The following TMEM163 variants were observed in gnomAD, a reference collection of about 807,000 sequenced individuals.
TMEM163 encodes transmembrane protein 163.
In TMEM163, 17 loss-of-function variants were observed where a neutral mutation model predicts 29.3. The observed-to-expected ratio is 0.58, with a 90% CI of 0.40 to 0.87. TMEM163 has a LOEUF of 0.87. Ranked by LOEUF, TMEM163 falls within the 40% of genes least tolerant of loss-of-function variation. The pLI is 0.00. For missense variants in TMEM163, 303 were observed against 381.5 expected, an observed-to-expected ratio of 0.79 and a Z score of 1.71; for synonymous variants, 157 against 160.6, an observed-to-expected ratio of 0.98 and a Z score of 0.17.
chr2:134,491,278 C>G (rs1679423583), intron 5 of TMEM163, among the ~76,000 whole-genome samples: 1 of 152,182 alleles, frequency 6.6e-6, no homozygotes, highest in Non-Finnish European at 1.5e-5. Flanking sequence ...GAGCGTGTCT[C>G]CCTCACCTCG....
At chr2:134,464,585 G>A (rs1479640173) in intron 6 of TMEM163, among the ~76,000 whole-genome samples, 4 of 152,122 alleles carry the variant, frequency 2.6e-5, no homozygotes, top group South Asian at 2.1e-4. Flanking sequence ...ATGCTCTTCC[G>A]AGGGTAGCCA....
intron 5 of TMEM163, among the ~76,000 whole-genome samples, chr2:134,475,681 A>C (rs997151842): frequency 1.3e-5 from 2 of 152,208 alleles, no homozygotes; most frequent in African/African-American, 2.4e-5. Context: ...AAAAATTTAA[A>C]CACTTTACCA....
At chr2:134,708,660 C>T (rs1222377346) in intron 2 of TMEM163, among the ~76,000 whole-genome samples, 1 of 151,940 alleles carries the variant, frequency 6.6e-6, no homozygotes, top group Admixed American at 6.6e-5. Flanking sequence ...GATCTTGGCT[C>T]ACTGCAACCT....
intron 2 of TMEM163, among the ~76,000 whole-genome samples, chr2:134,579,175 A>T (rs1383403064): frequency 6.6e-6 from 1 of 152,182 alleles, no homozygotes; most frequent in Non-Finnish European, 1.5e-5. Flanking sequence ...ATCTAAGAAG[A>T]CACTTTTATA....
At chr2:134,663,815 T>A (rs981208719) in intron 2 of TMEM163, among the ~76,000 whole-genome samples, 2 of 152,230 alleles carry the variant, frequency 1.3e-5, no homozygotes, top group African/African-American at 4.8e-5. Context: ...CCTCCACATC[T>A]GACTCCTGCC....
intron 2 of TMEM163, among the ~76,000 whole-genome samples, chr2:134,600,740 A>C (rs1682209303): frequency 6.6e-6 from 1 of 152,194 alleles, no homozygotes; most frequent in Admixed American, 6.5e-5. Flanking sequence ...CAGGTTTCTC[A>C]GGTAAAGGAG....
At chr2:134,697,356 A>T (rs191649674) in intron 2 of TMEM163, among the ~76,000 whole-genome samples, 13 of 152,304 alleles carry the variant, frequency 8.5e-5, no homozygotes, top group Admixed American at 8.5e-4. Context: ...ATTTTAGGTT[A>T]AATAACCTTT....
intron 2 of TMEM163, among the ~76,000 whole-genome samples, chr2:134,657,388 G>A (rs1683645135): frequency 6.6e-6 from 1 of 152,164 alleles, no homozygotes; most frequent in African/African-American, 2.4e-5. Flanking sequence ...CTCCTTTACA[G>A]CAACATGCAT....
intron 2 of TMEM163, among the ~76,000 whole-genome samples, chr2:134,603,487 G>A (rs1682280663): frequency 6.6e-6 from 1 of 152,154 alleles, no homozygotes; most frequent in Non-Finnish European, 1.5e-5. Flanking sequence ...TCTGTCCTGG[G>A]CACGTTGAGA....
At chr2:134,539,177 G>C (rs937757751) in intron 4 of TMEM163, among the ~76,000 whole-genome samples, 21 of 152,106 alleles carry the variant, frequency 1.4e-4, no homozygotes, top group African/African-American at 5.1e-4. Context: ...GCCACTCAAG[G>C]ATTTATTTAA....
chr2:134,539,067 G>A (rs1680603806), intron 4 of TMEM163, among the ~76,000 whole-genome samples: 3 of 152,126 alleles, frequency 2.0e-5, no homozygotes, highest in Admixed American at 6.5e-5. Context: ...TAACCCCCAT[G>A]TATTGAGTAC....
intron 2 of TMEM163, among the ~76,000 whole-genome samples, chr2:134,633,371 T>C (rs531002893): frequency 6.6e-6 from 1 of 152,250 alleles, no homozygotes; most frequent in East Asian, 1.9e-4. Context: ...GGAGGAAATG[T>C]AATCATTATC....
intron 2 of TMEM163, among the ~76,000 whole-genome samples, chr2:134,590,613 G>C (rs1382683957): frequency 6.6e-6 from 1 of 152,280 alleles, no homozygotes; most frequent in East Asian, 1.9e-4. Context: ...AGAAAGTAAA[G>C]GAATAAAAGA....
At chr2:134,623,037 A>T (rs1397737506) in intron 2 of TMEM163, among the ~76,000 whole-genome samples, 1 of 152,180 alleles carries the variant, frequency 6.6e-6, no homozygotes, top group Non-Finnish European at 1.5e-5. Context: ...TCAAAAACAC[A>T]CAAGTAAGCA....
chr2:134,542,260 C>T (rs1474248567), intron 4 of TMEM163, among the ~76,000 whole-genome samples: 3 of 152,194 alleles, frequency 2.0e-5, no homozygotes, highest in African/African-American at 4.8e-5. Flanking sequence ...TTCACCATTA[C>T]GCCACTTGGC....
intron 2 of TMEM163, among the ~76,000 whole-genome samples, chr2:134,696,322 C>T (rs1684580867): frequency 6.6e-6 from 1 of 152,102 alleles, no homozygotes; most frequent in African/African-American, 2.4e-5. Context: ...TCTCAACTGC[C>T]CTAGTTTTAG....
chr2:134,608,830 G>C (rs1366933872), intron 2 of TMEM163, among the ~76,000 whole-genome samples: 35 of 40,222 alleles, frequency 8.7e-4, no homozygotes, highest in Admixed American at 2.7e-3. Flanking sequence ...AATTGTGCTG[G>C]TGAAAAGGAC....
At chr2:134,539,818 A>G (rs532809895) in intron 4 of TMEM163, among the ~76,000 whole-genome samples, 45 of 152,334 alleles carry the variant, frequency 3.0e-4, no homozygotes, top group Non-Finnish European at 5.7e-4. Flanking sequence ...GGGGAAAACA[A>G]GCCCGCAGAG....
intron 2 of TMEM163, among the ~76,000 whole-genome samples, chr2:134,705,202 T>A (rs1457167004): frequency 3.8e-4 from 55 of 143,578 alleles, no homozygotes; most frequent in African/African-American, 1.4e-3. Flanking sequence ...AGAGCAAGAC[T>A]CCATCTCAAA....
Sources: gnomAD v4.1 joint callset for allele counts (sites outside exome capture counted in the v4.1 genomes callset) on GRCh38, gnomAD v4.1.1 for gene constraint, MANE v1.5 for transcripts, NCBI Gene and HGNC (gene_info 2026-07-23, HGNC 2026-07-21) for gene names.